GPC5: variants seen among roughly 807,000 people sequenced by gnomAD.
GPC5 encodes the protein glypican-5.
GPC5 carries 47 observed loss-of-function variants against 53.9 expected under a neutral mutation model. The ratio of observed to expected loss-of-function variants is 0.87; its 90% CI spans 0.69 to 1.11. GPC5 has a LOEUF of 1.11. Ranked by LOEUF, GPC5 falls within the 50% of genes most tolerant of loss-of-function variation. GPC5 has a pLI of 0.00. For missense variants in GPC5, 748 were observed against 713.1 expected (o/e 1.05, Z -0.56); for synonymous variants, 286 against 263.3 (o/e 1.09, Z -0.84).
chr13:92,741,619 G>T (rs1485570481), intron 7 of GPC5, among the ~76,000 whole-genome samples: 3 of 151,870 alleles, frequency 2.0e-5, no homozygotes, highest in Admixed American at 2.0e-4. Flanking sequence ...TAAGTTTTAG[G>T]GTACATGTGC....
At chr13:91,487,536 C>T (rs191979778) in intron 2 of GPC5, among the ~76,000 whole-genome samples, 1 of 152,088 alleles carries the variant, frequency 6.6e-6, no homozygotes, top group African/African-American at 2.4e-5. Flanking sequence ...TAGGGTAGGG[C>T]CCCTTCCAAG....
intron 5 of GPC5, among the ~76,000 whole-genome samples, chr13:91,861,154 G>A (rs953979090): frequency 2.6e-5 from 4 of 152,124 alleles, no homozygotes; most frequent in African/African-American, 9.7e-5. Context: ...TGTTGGTGAT[G>A]CTTTCAATAC....
intron 7 of GPC5, among the ~76,000 whole-genome samples, chr13:92,740,309 CCT>C (rs1369301723): frequency 6.6e-6 from 1 of 151,996 alleles, no homozygotes; most frequent in African/African-American, 2.4e-5. Context: ...ATTATTCTGT[CCT>C]CTGATTTTTC....
chr13:91,725,351 G>A (rs1566639632), intron 3 of GPC5, among the ~76,000 whole-genome samples: 1 of 152,184 alleles, frequency 6.6e-6, no homozygotes. Flanking sequence ...ACGAAAAATT[G>A]TCAACGTAAG....
intron 3 of GPC5, among the ~76,000 whole-genome samples, chr13:91,717,655 C>G (rs1356754717): frequency 1.3e-5 from 2 of 152,082 alleles, no homozygotes. Context: ...CTCCGGGATT[C>G]AAGCGATTTT....
chr13:91,995,520 C>T (rs1196538206), intron 6 of GPC5: 2 of 152,088 alleles, frequency 1.3e-5, no homozygotes, highest in Non-Finnish European at 2.9e-5. Context: ...CTGTTCTGTT[C>T]CCTTGTTGTA....
intron 7 of GPC5, among the ~76,000 whole-genome samples, chr13:92,665,596 C>T (rs115801265): frequency 8.1e-4 from 124 of 152,202 alleles, no homozygotes; most frequent in African/African-American, 2.9e-3. Context: ...AAGGGTTGTC[C>T]GTGGGACACT....
chr13:91,637,257 G>T (rs2034307591), intron 2 of GPC5, among the ~76,000 whole-genome samples: 3 of 152,124 alleles, frequency 2.0e-5, no homozygotes, highest in Admixed American at 2.0e-4. Flanking sequence ...TTGGATTTAG[G>T]AGTTATAAAG....
chr13:92,394,617 A>G (rs9516071), intron 7 of GPC5, among the ~76,000 whole-genome samples: 1 of 151,998 alleles, frequency 6.6e-6, no homozygotes, highest in African/African-American at 2.4e-5. Context: ...CACCCAGTCT[A>G]TGGTACCTGT....
At chr13:91,479,655 G>A (rs1883197730) in intron 2 of GPC5, among the ~76,000 whole-genome samples, 1 of 152,064 alleles carries the variant, frequency 6.6e-6, no homozygotes, top group Non-Finnish European at 1.5e-5. Context: ...CTTCTTGGTA[G>A]GAAATTAATA....
chr13:92,318,196 T>C (rs1272046627), intron 7 of GPC5, among the ~76,000 whole-genome samples: 1 of 152,200 alleles, frequency 6.6e-6, no homozygotes, highest in Non-Finnish European at 1.5e-5. Flanking sequence ...TTACTACCGA[T>C]ATGACTGTGA....
At chr13:92,749,883 T>G (rs375968417) in intron 7 of GPC5, among the ~76,000 whole-genome samples, 15 of 152,142 alleles carry the variant, frequency 9.9e-5, no homozygotes, top group African/African-American at 3.4e-4. Context: ...TGCAAAAAAT[T>G]AGAGGGCAAA....
At chr13:92,587,557 A>G (rs1883577842) in intron 7 of GPC5, among the ~76,000 whole-genome samples, 1 of 143,882 alleles carries the variant, frequency 7.0e-6, no homozygotes. Context: ...CTTATTGTAC[A>G]TTATTTATGG....
At chr13:92,179,176 C>T (rs932195982) in intron 7 of GPC5, among the ~76,000 whole-genome samples, 9 of 151,894 alleles carry the variant, frequency 5.9e-5, no homozygotes, top group Non-Finnish European at 1.3e-4. Flanking sequence ...ATTTTTGGGC[C>T]AAGAATCCTA....
At chr13:91,954,831 T>C (rs1477390773) in intron 6 of GPC5, among the ~76,000 whole-genome samples, 1 of 152,130 alleles carries the variant, frequency 6.6e-6, no homozygotes, top group East Asian at 1.9e-4. Flanking sequence ...TGCAATTGTG[T>C]ATCTGTAAAA....
intron 6 of GPC5, among the ~76,000 whole-genome samples, chr13:92,108,963 G>A (rs1294416042): frequency 1.3e-5 from 2 of 151,006 alleles, no homozygotes; most frequent in Admixed American, 6.6e-5. Flanking sequence ...TTTCCACATG[G>A]TTTCTCAAAC....
intron 2 of GPC5, among the ~76,000 whole-genome samples, chr13:91,658,755 C>G (rs959182807): frequency 6.6e-6 from 1 of 152,088 alleles, no homozygotes; most frequent in Non-Finnish European, 1.5e-5. Flanking sequence ...CCTCCATCAT[C>G]CCTCATATGT....
At chr13:92,293,108 C>G (rs747725073) in intron 7 of GPC5, among the ~76,000 whole-genome samples, 1 of 151,814 alleles carries the variant, frequency 6.6e-6, no homozygotes, top group African/African-American at 2.4e-5. Flanking sequence ...GGTGATGCCT[C>G]CAGATTAGTT....
At chr13:91,970,898 G>A (rs1022820129) in intron 6 of GPC5, among the ~76,000 whole-genome samples, 9 of 152,186 alleles carry the variant, frequency 5.9e-5, no homozygotes, top group African/African-American at 1.7e-4. Context: ...TTGCATCAAT[G>A]TTCATCAAGG....
Sources: gnomAD v4.1 joint callset for allele counts (sites outside exome capture counted in the v4.1 genomes callset) on GRCh38, gnomAD v4.1.1 for gene constraint, MANE v1.5 for transcripts, NCBI Gene and HGNC (gene_info 2026-07-23, HGNC 2026-07-21) for gene names.